Variants in CELF2 observed in about 807,000 individuals in gnomAD.
The protein encoded by CELF2 is CUG triplet repeat RNA-binding protein 2.
In CELF2, 8 loss-of-function variants were observed where a neutral mutation model predicts 62.6. The ratio of observed to expected loss-of-function variants is 0.13; its 90% CI spans 0.07 to 0.23. CELF2 has a LOEUF of 0.23. Among genes scored for constraint, CELF2 ranks in the 10% least tolerant of loss-of-function variants. CELF2 has a pLI of 1.00. For synonymous variants in CELF2, 258 were observed against 250.0 expected, an observed-to-expected ratio of 1.03 and a Z score of -0.30; for missense variants, 333 against 671.0, an observed-to-expected ratio of 0.50 and a Z score of 5.56.
rs970735010 is a variant in CELF2 at position 10,934,854 on chromosome 10, T to A, written c.89+14855T>A. The A allele has an allele frequency of 9.9e-5, 15 of 152,236 alleles. No homozygotes were observed. Among genetic ancestry groups the A allele is most frequent in the Non-Finnish European group, 1.9e-4 (13 of 68,040 alleles). The allele number at this position is 152,236 out of a possible 1,614,324, so 9.4% of individuals were successfully genotyped here. A position where few individuals can be genotyped will look rare whatever the true frequency, so the allele number is the denominator to read the frequency against. On this transcript the variant is annotated intron_variant, in intron 2 of 13. Coordinates refer to the CELF2 transcript ENST00000636488. This position sits in a 1 kb window ranked among gnomAD's most constrained non-coding sequence, Gnocchi z 4.4. ...CCAAATGGGTTTTGCAGTTGTCTTA[T>A]CCTGGTGACATTCCCTGCTAAATTA...
At chr10:10,674,235 G>A in the CELF2 span, among the ~76,000 whole-genome samples, 1 of 152,098 alleles carries the variant, frequency 6.6e-6, no homozygotes, top group Admixed American at 6.5e-5. Context: ...AAGAACCATT[G>A]TCTTCTTGGA....
chr10:10,859,102 T>C (rs1350128694), intron 1 of CELF2, among the ~76,000 whole-genome samples: 1 of 152,162 alleles, frequency 6.6e-6, no homozygotes. Context: ...GTATTCGTAT[T>C]AATGATTTTT....
the CELF2 span, among the ~76,000 whole-genome samples, chr10:10,488,155 G>A: frequency 2.0e-5 from 3 of 152,106 alleles, no homozygotes; most frequent in East Asian, 5.8e-4. Flanking sequence ...AATTTATTTT[G>A]AAGTATTAGT....
At chr10:11,184,794 C>A (rs907509165) in intron 2 of CELF2, among the ~76,000 whole-genome samples, 6 of 152,132 alleles carry the variant, frequency 3.9e-5, no homozygotes, top group African/African-American at 1.4e-4. Flanking sequence ...TTTAAAGAGT[C>A]TGTTGGATTT....
chr10:10,931,590 C>T lies in CELF2; in HGVS notation c.89+11591C>T, dbSNP rs775938387. 3.9e-5 allele frequency among the ~76,000 whole-genome samples: 6 copies of T among 152,156 alleles called. No homozygotes were observed. Among genetic ancestry groups the T allele is most frequent in the Non-Finnish European group, 7.3e-5 (5 of 68,034 alleles). ...CCTAATTCATCATTGGGCACCACGG[C>T]ACCCCTTCCAAAGTAAAGAAAATTT... On this transcript the variant is annotated intron_variant, in intron 2 of 13. Transcript: ENST00000636488. This position sits in a 1 kb window ranked among gnomAD's most constrained non-coding sequence, Gnocchi z 6.1.
the CELF2 span, among the ~76,000 whole-genome samples, chr10:10,508,660 ATGTGTGTGTGTGTGTG>A: frequency 2.4e-4 from 34 of 140,718 alleles, no homozygotes; most frequent in African/African-American, 7.6e-4. Flanking sequence ...TCTTAAACAG[ATGTGTGTGTGTGTGTG>A]TGTGTGTGTG....
the CELF2 span, among the ~76,000 whole-genome samples, chr10:10,564,054 T>C: frequency 6.6e-6 from 1 of 152,236 alleles, no homozygotes; most frequent in South Asian, 2.1e-4. Flanking sequence ...CATGTTAGGT[T>C]ATTTTATTTG....
the CELF2 span, among the ~76,000 whole-genome samples, chr10:10,492,489 G>A: frequency 6.6e-6 from 1 of 152,100 alleles, no homozygotes; most frequent in Admixed American, 6.5e-5. Context: ...GCTGCACTTG[G>A]AAAGCAGACA....
Position 11,126,460 on chromosome 10 carries a change from AC to A in CELF2, c.75-39025del, listed in dbSNP as rs202173635. ...ACGTTTTCAAGATGGCATTCGTCATACATACAAGTATAGATACATATATATG... is the reference window on the plus strand; with the variant it reads ...ACGTTTTCAAGATGGCATTCGTCATAATACAAGTATAGATACATATATATG... On this transcript the variant is annotated intron_variant, in intron 1 of 12. Coordinates refer to ENST00000633077, the MANE Select transcript of CELF2 (RefSeq NM_001326342.2). 1.8e-3 allele frequency among the ~76,000 whole-genome samples: 270 copies of A among 152,358 alleles called. 2 individuals carry two copies. The highest frequency in any genetic ancestry group is 0.012 in the East Asian group (63 of 5,192).
intron 2 of CELF2, among the ~76,000 whole-genome samples, chr10:10,976,813 C>T (rs34872176): frequency 1.2e-4 from 18 of 152,174 alleles, no homozygotes; most frequent in Non-Finnish European, 2.2e-4. Context: ...TCTCTTCCCT[C>T]GAACTAACTC....
chr10:10,861,857 G>A (rs2060062115), intron 1 of CELF2, among the ~76,000 whole-genome samples: 1 of 152,104 alleles, frequency 6.6e-6, no homozygotes, highest in South Asian at 2.1e-4. Context: ...GTTAGACAAA[G>A]GCCCTTGACT....
At chr10:11,018,594 G>C (rs1355651257) in intron 1 of CELF2, among the ~76,000 whole-genome samples, 2 of 150,740 alleles carry the variant, frequency 1.3e-5, no homozygotes, top group African/African-American at 2.4e-5. Flanking sequence ...CCGGCGAGCC[G>C]GGCGCGGAGT....
rs1564362212 is a variant in CELF2, at chr10:11,009,338, CGCGTGT to C, written c.53+3900_53+3905del. Among the ~76,000 whole-genome samples, 110 of 95,500 alleles carry C rather than the reference CGCGTGT, an allele frequency of 1.2e-3. No homozygotes were observed. The African/African-American group carries it at 0.013, about 11-fold the overall frequency. 62.7% of individuals were successfully genotyped at this position (95,500 alleles called of 152,430 possible). A position where few individuals can be genotyped will look rare whatever the true frequency, so the allele number is the denominator to read the frequency against. On this transcript the variant is annotated intron_variant, in intron 1 of 12. Transcript: ENST00000416382. ...GAAGTTGTGTGTGTGTGTGTGTGTGCGCGTGTGTGTGAGTGTGTGTGTGTGCGTGCG... is the reference window on the plus strand; with the variant it reads ...GAAGTTGTGTGTGTGTGTGTGTGTGCGTGTGAGTGTGTGTGTGTGCGTGCG...
At chr10:10,669,956 G>GCAAT in the CELF2 span, among the ~76,000 whole-genome samples, 191 of 140,122 alleles carry the variant, frequency 1.4e-3, 1 homozygote, top group African/African-American at 4.8e-3. Flanking sequence ...AGGCTGGAGT[G>GCAAT]CAATGGTGCA....
chr10:10,772,121 G>C, the CELF2 span, among the ~76,000 whole-genome samples: 2 of 151,988 alleles, frequency 1.3e-5, no homozygotes, highest in East Asian at 3.9e-4. Flanking sequence ...AAAAAAGGTA[G>C]ATTGTAAAAT....
chr10:10,889,401 T>C (rs2061980147), intron 1 of CELF2, among the ~76,000 whole-genome samples: 1 of 152,242 alleles, frequency 6.6e-6, no homozygotes, highest in South Asian at 2.1e-4. Context: ...AATAGGCTGA[T>C]GTTTATCACT....
chr10:10,817,800 T>G (rs2056607092), intron 1 of CELF2, among the ~76,000 whole-genome samples: 1 of 152,224 alleles, frequency 6.6e-6, no homozygotes, highest in Admixed American at 6.5e-5. Flanking sequence ...ATAACATCAT[T>G]ATGTCGTAAA....
chr10:10,680,198 T>TA, the CELF2 span, among the ~76,000 whole-genome samples: 3 of 151,996 alleles, frequency 2.0e-5, no homozygotes, highest in Non-Finnish European at 4.4e-5. Context: ...TATAAACAAA[T>TA]AAAAAAATGT....
At chr10:11,180,004 A>G (rs2072758725) in intron 2 of CELF2, among the ~76,000 whole-genome samples, 1 of 152,130 alleles carries the variant, frequency 6.6e-6, no homozygotes, top group African/African-American at 2.4e-5. Context: ...GCAGCCCCAA[A>G]TATATAAGGC....
Sources: allele counts gnomAD v4.1 joint callset (sites outside exome capture counted in the v4.1 genomes callset), GRCh38; gene constraint gnomAD v4.1.1; non-coding constraint Gnocchi (gnomAD v3.1); transcripts MANE v1.5; gene names NCBI Gene and HGNC (gene_info 2026-07-23, HGNC 2026-07-21).